The following KLF12 variants were observed in gnomAD, a reference collection of about 807,000 sequenced individuals.
KLF12 encodes KLF transcription factor 12, also known as Krueppel-like factor 12.
In KLF12, 9 loss-of-function variants were observed where a neutral mutation model predicts 37.8. That is an observed-to-expected ratio of 0.24 (90% CI 0.14 to 0.42). The LOEUF (loss-of-function observed/expected upper bound fraction) is 0.42. Ranked by LOEUF, KLF12 falls within the 10% of genes least tolerant of loss-of-function variation. KLF12 has a pLI of 1.00. For missense variants in KLF12, 411 were observed against 516.0 expected (o/e 0.80, Z 1.97); for synonymous variants, 208 against 202.1 (o/e 1.03, Z -0.25).
At chr13:73,727,073 T>C (rs930940485) in intron 6 of KLF12, among the ~76,000 whole-genome samples, 6 of 152,190 alleles carry the variant, frequency 3.9e-5, no homozygotes, top group African/African-American at 1.4e-4. Flanking sequence ...TCATGGGCCA[T>C]TTGTATACCT....
At chr13:73,953,970 C>CTTTTTTTTTT (rs67945624) in intron 2 of KLF12, among the ~76,000 whole-genome samples, 4 of 88,534 alleles carry the variant, frequency 4.5e-5, no homozygotes, top group African/African-American at 1.8e-4. Flanking sequence ...TTTTTTCTTT[C>CTTTTTTTTTT]TTTTTTTTTT....
intron 2 of KLF12, among the ~76,000 whole-genome samples, chr13:73,984,755 G>A (rs1181869321): frequency 6.6e-6 from 1 of 152,130 alleles, no homozygotes; most frequent in Non-Finnish European, 1.5e-5. Flanking sequence ...TACAGAATTT[G>A]GCACCAGAAC....
At chr13:73,974,107 A>C (rs1359387518) in intron 2 of KLF12, among the ~76,000 whole-genome samples, 1 of 152,164 alleles carries the variant, frequency 6.6e-6, no homozygotes, top group African/African-American at 2.4e-5. Flanking sequence ...TGGAGAAAAG[A>C]TAAGAGGCAC....
chr13:74,021,827 G>C (rs1224055393), intron 1 of KLF12, among the ~76,000 whole-genome samples: 1 of 152,176 alleles, frequency 6.6e-6, no homozygotes, highest in South Asian at 2.1e-4. Context: ...GTGCTTATCA[G>C]TAGATACACA....
chr13:74,290,733 G>C, the KLF12 span, among the ~76,000 whole-genome samples: 1 of 152,194 alleles, frequency 6.6e-6, no homozygotes, highest in African/African-American at 2.4e-5. Context: ...AATTTTTTCA[G>C]CTTCTGCACT....
intron 1 of KLF12, among the ~76,000 whole-genome samples, chr13:74,014,534 A>G (rs187360713): frequency 6.6e-6 from 1 of 152,320 alleles, no homozygotes; most frequent in African/African-American, 2.4e-5. Context: ...GGGACTATTG[A>G]TATAGGAAAT....
chr13:73,854,207 T>A (rs1168942123), intron 3 of KLF12, among the ~76,000 whole-genome samples: 2 of 152,230 alleles, frequency 1.3e-5, no homozygotes, highest in African/African-American at 2.4e-5. Flanking sequence ...GAAAAACCTG[T>A]TGTATAGACT....
chr13:73,942,238 G>A (rs1307224863), intron 3 of KLF12, among the ~76,000 whole-genome samples: 1 of 152,152 alleles, frequency 6.6e-6, no homozygotes, highest in Non-Finnish European at 1.5e-5. Context: ...TTTCTGACTG[G>A]TTTGCTATAG....
chr13:74,021,566 G>A (rs1892842440), intron 1 of KLF12, among the ~76,000 whole-genome samples: 1 of 152,116 alleles, frequency 6.6e-6, no homozygotes, highest in Non-Finnish European at 1.5e-5. Flanking sequence ...AGGCATGGGA[G>A]AGCTGACTGC....
At chr13:73,938,849 G>A (rs1308236896) in intron 3 of KLF12, among the ~76,000 whole-genome samples, 1 of 152,146 alleles carries the variant, frequency 6.6e-6, no homozygotes, top group Non-Finnish European at 1.5e-5. Flanking sequence ...TGGTAGTTAA[G>A]GCATGGAGTA....
At chr13:73,918,152 C>A (rs1888936494) in intron 3 of KLF12, among the ~76,000 whole-genome samples, 1 of 151,966 alleles carries the variant, frequency 6.6e-6, no homozygotes, top group African/African-American at 2.4e-5. Flanking sequence ...TATTTTCCTG[C>A]CCACACTCAC....
At position 73,845,876 on chromosome 13, in the gene KLF12, G is replaced by A. The variant is rs1460686508; in HGVS notation, c.621C>T (p.Asn207=). 1 of 1,614,126 alleles carries A rather than the reference G, an allele frequency of 6.2e-7. No homozygotes were observed. The highest frequency in any genetic ancestry group is 8.5e-7 in the Non-Finnish European group (1 of 1,180,002). ...CCAAAAGCGGCACGACAATAGTGTT[G>A]TTCACATTTCCAGGTGACCTTACAG... The change falls in exon 4 of 8, where the codon AAC becomes AAT. Residue 207 remains asparagine, a synonymous_variant. Coordinates refer to ENST00000377669, the MANE Select transcript of KLF12 (RefSeq NM_007249.5).
chr13:73,757,203 C>G (rs1471369298), intron 6 of KLF12, among the ~76,000 whole-genome samples: 1 of 152,112 alleles, frequency 6.6e-6, no homozygotes, highest in Non-Finnish European at 1.5e-5. Flanking sequence ...ACAGAGATAA[C>G]AGCCACAAGT....
the KLF12 span, among the ~76,000 whole-genome samples, chr13:74,287,848 T>C: frequency 1.3e-5 from 2 of 152,228 alleles, no homozygotes; most frequent in Admixed American, 6.5e-5. Flanking sequence ...CCATGTTAGC[T>C]GATCAAGCAT....
intron 5 of KLF12, among the ~76,000 whole-genome samples, chr13:73,771,084 TA>T (rs1311323969): frequency 1.3e-5 from 2 of 152,158 alleles, no homozygotes. Flanking sequence ...CTCTCCCTGC[TA>T]AGGTGATTAG....
the KLF12 span, among the ~76,000 whole-genome samples, chr13:74,197,896 G>T: frequency 4.6e-5 from 7 of 152,058 alleles, no homozygotes; most frequent in Non-Finnish European, 8.8e-5. Context: ...GGAACAAAGA[G>T]GGCATTGATC....
chr13:74,085,668 C>CG (rs1875238442), intron 1 of KLF12, among the ~76,000 whole-genome samples: 1 of 152,132 alleles, frequency 6.6e-6, no homozygotes, highest in Non-Finnish European at 1.5e-5. Context: ...CACTAGCCAG[C>CG]GGGTTTCTAA....
the KLF12 span, among the ~76,000 whole-genome samples, chr13:74,218,854 C>A: frequency 6.6e-6 from 1 of 151,862 alleles, no homozygotes; most frequent in Non-Finnish European, 1.5e-5. Context: ...GTAAAAAATA[C>A]AAATAAAACA....
chr13:73,720,517 A>G (rs1262989985), intron 6 of KLF12, among the ~76,000 whole-genome samples: 1 of 152,192 alleles, frequency 6.6e-6, no homozygotes, highest in Non-Finnish European at 1.5e-5. Flanking sequence ...TACAGCCCCA[A>G]AGAATAATAA....
Sources: gnomAD v4.1 joint callset for allele counts (sites outside exome capture counted in the v4.1 genomes callset) on GRCh38, gnomAD v4.1.1 for gene constraint, MANE v1.5 for transcripts, NCBI Gene and HGNC (gene_info 2026-07-23, HGNC 2026-07-21) for gene names.